DMD: variants seen among roughly 807,000 people sequenced by gnomAD.
The protein encoded by DMD is dystrophin.
In DMD, 63 loss-of-function variants were observed where a neutral mutation model predicts 330.1. The ratio of observed to expected loss-of-function variants is 0.19; its 90% CI spans 0.16 to 0.24. The LOEUF (loss-of-function observed/expected upper bound fraction) is 0.24, where lower values mean the gene tolerates loss of function less well. DMD is among the 10% of genes least tolerant of loss of function. The pLI, the probability that DMD is intolerant of heterozygous loss-of-function variation, is 1.00. For missense variants in DMD, 3,344 were observed against 2,684.1 expected (o/e 1.25, Z -5.43); for synonymous variants, 1,223 against 959.8 (o/e 1.27, Z -5.07).
Position 32,750,155 on chromosome X carries a change from G to A in DMD, c.650-50862C>T, listed in dbSNP as rs774357405. ...GAATAAACAGAGATTTTTCCCTAAC[G>A]GAAAATCATGTATATTGCTACATTT... On this transcript the variant is annotated intron_variant, in intron 7 of 78. Transcript: ENST00000357033. 3.5e-4 allele frequency among the ~76,000 whole-genome samples: 39 copies of A among 111,785 alleles called. 1 individual carries two copies. Among genetic ancestry groups the A allele is most frequent in the African/African-American group, 1.2e-3 (36 of 30,849 alleles).
chrX:33,031,794 A>G (rs1172911626), intron 1 of DMD, among the ~76,000 whole-genome samples: 1 of 110,383 alleles, frequency 9.1e-6, no homozygotes, highest in Non-Finnish European at 1.9e-5. Flanking sequence ...CAAACAAACA[A>G]AACAAAGAAA....
chrX:33,025,075 G>T (rs1367633607), intron 1 of DMD, among the ~76,000 whole-genome samples: 1 of 112,052 alleles, frequency 8.9e-6, no homozygotes, highest in African/African-American at 3.2e-5. Context: ...GAAACATTTT[G>T]CATAAACAAA....
intron 33 of DMD, 115 bp downstream of exon 33, chrX:32,386,195 G>T (rs1359921093): frequency 1.8e-5 from 14 of 774,796 alleles, no homozygotes; most frequent in Non-Finnish European, 1.2e-5. Flanking sequence ...TATACATAGA[G>T]AGAGAGAGGT....
At chrX:32,563,311 C>A (rs367786920) in intron 16 of DMD, among the ~76,000 whole-genome samples, 1 of 97,772 alleles carries the variant, frequency 1.0e-5, no homozygotes. Context: ...CCACTGCACT[C>A]CAGCCTGGGT....
intron 13 of DMD, among the ~76,000 whole-genome samples, chrX:32,578,786 G>A (rs1393238166): frequency 9.0e-6 from 1 of 111,141 alleles, no homozygotes; most frequent in Non-Finnish European, 1.9e-5. Context: ...CCACTAAGGC[G>A]GAAACAATTA....
chrX:31,237,232 A>T (rs1016472023), intron 63 of DMD, among the ~76,000 whole-genome samples: 2 of 112,352 alleles, frequency 1.8e-5, no homozygotes, highest in East Asian at 5.5e-4. Context: ...GCAAGAAGAG[A>T]ATCTGTTGAG....
chrX:32,160,391 A>C (rs2147252444), intron 44 of DMD, among the ~76,000 whole-genome samples: 1 of 110,069 alleles, frequency 9.1e-6, no homozygotes, highest in South Asian at 4.0e-4. Flanking sequence ...GCACCACAAA[A>C]GCCAGCTAAT....
chrX:32,345,819 G>C, intron 39 of DMD, 124 bp downstream of exon 39: 1 of 693,928 alleles, frequency 1.4e-6, no homozygotes. Flanking sequence ...CATACACATT[G>C]AACAGAAAAA....
At chrX:32,319,903 A>C (rs2097602723) in intron 41 of DMD, among the ~76,000 whole-genome samples, 1 of 110,586 alleles carries the variant, frequency 9.0e-6, no homozygotes, top group Admixed American at 9.7e-5. Context: ...TCGTTTACAT[A>C]TCTAGTATAT....
intron 61 of DMD, among the ~76,000 whole-genome samples, chrX:31,324,717 C>T (rs1460985269): frequency 8.9e-6 from 1 of 112,118 alleles, no homozygotes; most frequent in East Asian, 2.8e-4. Flanking sequence ...ACAGCTGATG[C>T]TGACCATTAT....
chrX:32,730,616 AAAAG>A (rs2067468889), intron 7 of DMD, among the ~76,000 whole-genome samples: 1 of 112,263 alleles, frequency 8.9e-6, no homozygotes, highest in Non-Finnish European at 1.9e-5. Flanking sequence ...AGATAAGACT[AAAAG>A]AAAGGACAGG....
intron 2 of DMD, among the ~76,000 whole-genome samples, chrX:32,929,030 G>A (rs2146667371): frequency 9.0e-6 from 1 of 111,250 alleles, no homozygotes; most frequent in Non-Finnish European, 1.9e-5. Flanking sequence ...TTTCGGGATG[G>A]AGAAAGGAAT....
intron 7 of DMD, among the ~76,000 whole-genome samples, chrX:32,715,707 A>G (rs768090856): frequency 9.1e-6 from 1 of 110,064 alleles, no homozygotes; most frequent in Non-Finnish European, 1.9e-5. Context: ...AGGCTGAGGT[A>G]GGATAATCAC....
chrX:31,918,945 T>C lies in DMD; in HGVS notation c.6912+10651A>G, dbSNP rs559998310. Among the ~76,000 whole-genome samples the C allele has an allele frequency of 2.7e-5, 3 of 112,370 alleles. No homozygotes were observed. The South Asian group carries it at 1.1e-3, about 41-fold the overall frequency. On this transcript the variant is annotated intron_variant, in intron 47 of 78. Transcript: ENST00000357033. The stretch of plus-strand genomic sequence containing the variant: ...AGCCACCGTGCCCAGCCTCAACATC[T>C]TTCTTAATTATTTTAGTAATTAAAA...
chrX:32,353,114 C>A (rs1291227975), intron 37 of DMD, among the ~76,000 whole-genome samples: 1 of 110,757 alleles, frequency 9.0e-6, no homozygotes, highest in Non-Finnish European at 1.9e-5. Flanking sequence ...ATTGTTTTAG[C>A]TATGTTATTG....
chrX:32,641,160 C>T (rs2059420506), intron 11 of DMD, among the ~76,000 whole-genome samples: 1 of 110,986 alleles, frequency 9.0e-6, no homozygotes, highest in Non-Finnish European at 1.9e-5. Flanking sequence ...ATCACAAAGT[C>T]TAAAGTAGCC....
chrX:32,198,487 T>C (rs1303320090), intron 44 of DMD, among the ~76,000 whole-genome samples: 1 of 111,893 alleles, frequency 8.9e-6, no homozygotes, highest in East Asian at 2.8e-4. Context: ...TTTAGAAAAC[T>C]GATATGATGT....
At chrX:32,318,900 TATAA>T (rs755729432) in intron 41 of DMD, among the ~76,000 whole-genome samples, 17 of 111,213 alleles carry the variant, frequency 1.5e-4, no homozygotes, top group African/African-American at 5.5e-4. Flanking sequence ...GAAGGCCAGG[TATAA>T]ATAGTGTCCT....
Position 32,844,876 on chromosome X carries a change from AAG to A in DMD, c.187-18_187-17del, listed in dbSNP as rs760138672. 2 of 1,179,526 alleles carry A rather than the reference AAG, an allele frequency of 1.7e-6. No homozygotes were observed. Among genetic ancestry groups the A allele is most frequent in the East Asian group, 3.0e-5 (1 of 33,712 alleles). On this transcript the variant is annotated splice_polypyrimidine_tract_variant and intron_variant, in intron 3 of 78. Transcript: ENST00000357033. ...TTTCTTTTGGCTGAGAACAAAACAA[AAG>A]AGTGTTCACTGACCAGCAGAGAGAC... is the stretch of plus-strand genomic sequence containing the variant.
Sources: gnomAD v4.1 joint callset for allele counts (sites outside exome capture counted in the v4.1 genomes callset) on GRCh38, gnomAD v4.1.1 for gene constraint, MANE v1.5 for transcripts, NCBI Gene and HGNC (gene_info 2026-07-23, HGNC 2026-07-21) for gene names.